The following CXXC1 variants were observed in gnomAD, a reference collection of about 807,000 sequenced individuals.
CXXC1 encodes CXXC-type zinc finger protein 1.
In CXXC1, 21 loss-of-function variants were observed where a neutral mutation model predicts 83.6. The ratio of observed to expected loss-of-function variants is 0.25; its 90% confidence interval spans 0.18 to 0.36. CXXC1 has a LOEUF of 0.36. Among genes scored for constraint, CXXC1 ranks in the 10% least tolerant of loss-of-function variants. The probability of loss-of-function intolerance (pLI) is 1.00; values close to 1 mark genes in which losing one functional copy is unlikely to be tolerated. For synonymous variants in CXXC1, 371 were observed against 337.5 expected, an observed-to-expected ratio of 1.10 and a Z score of -1.09; for missense variants, 688 against 919.5, an observed-to-expected ratio of 0.75 and a Z score of 3.26.
At chr18:50,284,952 T>G in intron 7 of CXXC1, 50 bp downstream of exon 7, 1 of 1,613,122 alleles carries the variant, frequency 6.2e-7, no homozygotes, top group East Asian at 2.2e-5. Flanking sequence ...GGATACTCTC[T>G]GCTTCTGTAA....
rs776381264 is a variant in CXXC1, at chr18:50,283,365, G to A, written c.1575-4C>T. 21 of 1,613,324 alleles carry A rather than the reference G, an allele frequency of 1.3e-5. No individual in the cohort carries two copies. Among genetic ancestry groups the A allele is most frequent in the Non-Finnish European group, 1.7e-5 (20 of 1,179,358 alleles). On this transcript the variant is annotated splice_region_variant and splice_polypyrimidine_tract_variant and intron_variant, in intron 12 of 14. Coordinates refer to ENST00000285106, the MANE Select transcript of CXXC1 (RefSeq NM_014593.4). ...ATCACAGAAGAGTCGTGTGGCCCTG[G>A]GGATTTGGAGTAGAGAGGGCAGTAG... is the stretch of plus-strand genomic sequence containing the variant.
rs1320831401 is a variant in CXXC1, at chr18:50,282,951, G to A, written c.1727C>T (p.Thr576Met). The A allele has an allele frequency of 1.9e-6, 3 of 1,614,056 alleles. No homozygotes were observed. Among genetic ancestry groups the A allele is most frequent in the East Asian group, 2.2e-5 (1 of 44,886 alleles). ...CPLVRDVFELTGDFCRLPKRQ... is the reference protein window; with the variant it reads ...CPLVRDVFELMGDFCRLPKRQ... ...CTTGGGCAGGCGGCAGAAGTCACCC[G>A]TGAGCTCAAAGACATCACGTACAAG... Residue 576 changes from threonine to methionine, a missense_variant, in exon 14 of 15, where the codon ACG becomes ATG. Physicochemically the swap from Thr to Met is moderately conservative, Grantham distance 81 (BLOSUM62 -1). This residue lies in a region of CXXC1 where 114 missense variants were observed against 173.3 expected (regional missense o/e 0.66). Transcript: ENST00000285106. The surrounding 1 kb of genome is among the most constrained non-coding windows in gnomAD (Gnocchi z 5.8).
intron 12 of CXXC1, 29 bp downstream of exon 12, chr18:50,283,486 A>G (rs188828067): frequency 6.3e-7 from 1 of 1,599,396 alleles, no homozygotes; most frequent in Non-Finnish European, 8.5e-7. Context: ...TTAACCCCCC[A>G]CCTCTCACTG....
chr18:50,286,912 TC>T, intron 1 of CXXC1, 54 bp from the exon 2 acceptor site: 9 of 1,240,222 alleles, frequency 7.3e-6, no homozygotes, highest in Non-Finnish European at 7.1e-6. Flanking sequence ...TGGCGGCTCA[TC>T]CCCCCATTAC....
At chr18:50,287,286 A>G in intron 1 of CXXC1, 1 of 517,990 alleles carries the variant, frequency 1.9e-6, no homozygotes, top group Non-Finnish European at 3.5e-6. Context: ...GTCACGGCTC[A>G]CTACAGACCA....
At position 50,285,209 on chromosome 18, in the gene CXXC1, G is replaced by A. The variant is rs758600661; in HGVS notation, c.705C>T (p.Pro235=). The change falls in exon 7 of 15, where the codon CCC becomes CCT. Residue 235 remains proline, a synonymous_variant. Coordinates refer to ENST00000285106, the MANE Select transcript of CXXC1 (RefSeq NM_014593.4). This position sits in a 1 kb window ranked among gnomAD's most constrained non-coding sequence, Gnocchi z 4.4. ...GCTGTTGGGTGGGCAGTGGCCGGCG[G>A]GGCCTTGGCAGGGACTCTGAGGGCG... ...PVTPSESLPR[P]RRPLPTQQQP... 1.9e-6 allele frequency: 3 copies of A among 1,614,196 alleles called. No homozygotes were observed. The highest frequency in any genetic ancestry group is 2.5e-6 in the Non-Finnish European group (3 of 1,180,030).
intron 11 of CXXC1, 50 bp from the exon 12 acceptor site, chr18:50,283,614 C>T: frequency 1.2e-6 from 2 of 1,610,446 alleles, no homozygotes; most frequent in Non-Finnish European, 1.7e-6. Flanking sequence ...CGCTGCATGC[C>T]CTCCCAAGAC....
At position 50,285,550 on chromosome 18, in the gene CXXC1, C is replaced by T; in HGVS notation, c.639+199G>A. 1 of 958,396 alleles carries T rather than the reference C, an allele frequency of 1.0e-6. No individual in the cohort carries two copies. The allele number at this position is 958,396 out of a possible 1,614,324, so 59.4% of individuals were successfully genotyped here. On this transcript the variant is annotated intron_variant, in intron 5 of 14. Coordinates refer to ENST00000285106, the MANE Select transcript of CXXC1 (RefSeq NM_014593.4). This position sits in a 1 kb window ranked among gnomAD's most constrained non-coding sequence, Gnocchi z 4.4. ...AACACCTGGCCCCACTCTGTCTACC[C>T]AGGGTTGGTGGGGGTGTTCTGCCAG...
In CXXC1 at chr18:50,282,598, G is replaced by T; in HGVS notation, c.1966C>A (p.Arg656Ser). 6.2e-7 allele frequency: 1 copy of T among 1,608,798 alleles called. No homozygotes were observed. The change falls in exon 15 of 15, where the codon CGC (arginine) becomes AGC (serine). Residue 656 changes from arginine to serine, a missense_variant. Transcript: ENST00000285106. The surrounding 1 kb of genome is among the most constrained non-coding windows in gnomAD (Gnocchi z 5.8). ...AGGGGTCCGGGCCAGGAGGCTCAGC[G>T]GTCGGCACTGGAGCGCAGGTCGGTA... ...LTTDLRSSADR is the reference protein window; with the variant it reads ...LTTDLRSSADS
chr18:50,286,636 C>G lies in CXXC1; in HGVS notation c.126G>C (p.Gly42=), dbSNP rs1035894055. 2 of 1,613,894 alleles carry G rather than the reference C, an allele frequency of 1.2e-6. No individual in the cohort carries two copies. Among genetic ancestry groups the G allele is most frequent in the African/African-American group, 1.3e-5 (1 of 74,954 alleles). The change falls in exon 3 of 15, where the codon GGG becomes GGC. Residue 42 remains glycine (G), a synonymous_variant. Transcript: ENST00000285106. ...RKPDINCFMI[G]CDNCNEWFHG... is the part of the protein sequence containing the mutation. ...GGAACCACTCATTGCAGTTGTCACA[C>G]CCGCTGCAGAGGATGGGGCAGGCGA...
In CXXC1 at chr18:50,286,203, T is replaced by A. The variant is rs754533658; in HGVS notation, c.278A>T (p.Asp93Val). 6.2e-7 allele frequency: 1 copy of A among 1,613,400 alleles called. No homozygotes were observed. The highest frequency in any genetic ancestry group is 1.7e-5 in the Admixed American group (1 of 59,994). Residue 93 changes from aspartate to valine, a missense_variant, in exon 4 of 15, where the codon GAT becomes GTT. Transcript: ENST00000285106. The stretch of plus-strand genomic sequence containing the variant: ...CTCACTGCTGTCCCGCTCATTGCCA[T>A]CCCGCTCCCGTGACTTCTTGTGCCG... Reference protein sequence around the residue: ...RYRHKKSRERDGNERDSSEPR... With the variant: ...RYRHKKSRERVGNERDSSEPR...
chr18:50,286,566 G>A lies in CXXC1; in HGVS notation c.196C>T (p.Arg66Trp), dbSNP rs757330676. The change falls in exon 3 of 15, where the codon CGG (arginine) becomes TGG (tryptophan). Residue 66 changes from arginine to tryptophan, a missense_variant. Physicochemically the swap from Arg to Trp is moderately radical, Grantham distance 101. Around this residue, in one of 9 missense-constraint regions of CXXC1, gnomAD observed 142 missense variants for 150.7 expected, o/e 0.94. Transcript: ENST00000285106. ...RITEKMAKAI[R>W]EWYCRECREK... The stretch of plus-strand genomic sequence containing the variant: ...CTGCACTCCCGACAGTACCACTCCC[G>A]GATGGCCTTGGCCATCTTCTCAGTG... 1 of 1,613,854 alleles carries A rather than the reference G, an allele frequency of 6.2e-7. No homozygotes were observed. Among genetic ancestry groups the A allele is most frequent in the African/African-American group, 1.3e-5 (1 of 74,880 alleles).
chr18:50,284,952 T>C, intron 7 of CXXC1, 50 bp downstream of exon 7: 1 of 1,613,122 alleles, frequency 6.2e-7, no homozygotes, highest in Non-Finnish European at 8.5e-7. Flanking sequence ...GGATACTCTC[T>C]GCTTCTGTAA....
At chr18:50,284,628 C>T in intron 8 of CXXC1, 66 bp from the exon 9 acceptor site, 2 of 1,599,162 alleles carry the variant, frequency 1.3e-6, no homozygotes, top group Admixed American at 1.7e-5. Context: ...GACCCTTGCT[C>T]CATTCTAGCC....
intron 8 of CXXC1, 30 bp downstream of exon 8, chr18:50,284,702 T>C (rs997311238): frequency 6.8e-6 from 11 of 1,610,742 alleles, no homozygotes; most frequent in Non-Finnish European, 9.3e-6. Context: ...ACCCTCTGCC[T>C]TTCCACATCC....
At chr18:50,286,879 G>A (rs779404595) in intron 1 of CXXC1, 21 bp from the exon 2 acceptor site, 8 of 1,544,854 alleles carry the variant, frequency 5.2e-6, no homozygotes, top group Non-Finnish European at 7.2e-6. Context: ...CCCCCATTAC[G>A]GATCCTTAAG....
chr18:50,286,469 AC>A (rs1307620310), intron 3 of CXXC1, 69 bp downstream of exon 3: 22 of 1,308,116 alleles, frequency 1.7e-5, no homozygotes, highest in Non-Finnish European at 1.8e-5. Flanking sequence ...AATCCCCATA[AC>A]CCCCCCTTGT....
Position 50,282,469 on chromosome 18 carries a change from G to T in CXXC1, c.*124C>A. 8.0e-7 allele frequency: 1 copy of T among 1,251,264 alleles called. No homozygotes were observed. Among genetic ancestry groups the T allele is most frequent in the Non-Finnish European group, 1.1e-6 (1 of 883,292 alleles). 77.5% of individuals were successfully genotyped at this position (1,251,264 alleles called of 1,614,324 possible). ...CAGTCCCTCTGATAAAGGCAGATGG[G>T]CGGTCAACCGGTGGATGGGCACAGG... On this transcript the variant is annotated 3_prime_UTR_variant, in exon 15 of 15. Transcript: ENST00000285106. The surrounding 1 kb of genome is among the most constrained non-coding windows in gnomAD (Gnocchi z 5.8).
chr18:50,285,100 C>T lies in CXXC1; in HGVS notation c.814G>A (p.Ala272Thr). The T allele has an allele frequency of 6.2e-7, 1 of 1,614,210 alleles. No individual in the cohort carries two copies. The highest frequency in any genetic ancestry group is 8.5e-7 in the Non-Finnish European group (1 of 1,180,038). The stretch of plus-strand genomic sequence containing the variant: ...GAGAGTGGCTCAGGTGTGGCTGTAG[C>T]CTCAGGAGGCTCCTTGACTGTTGAT... ...ASSTVKEPPE[A>T]TATPEPLSDE... The change falls in exon 7 of 15, where the codon GCT (alanine) becomes ACT (threonine). Residue 272 changes from alanine to threonine, a missense_variant. Physicochemically the swap from Ala to Thr is moderately conservative, Grantham distance 58. This residue lies in a region of CXXC1 where 190 missense variants were observed against 199.7 expected (regional missense o/e 0.95). Coordinates refer to ENST00000285106, the MANE Select transcript of CXXC1 (RefSeq NM_014593.4). The surrounding 1 kb of genome is among the most constrained non-coding windows in gnomAD (Gnocchi z 4.4).
Sources: allele counts gnomAD v4.1 joint callset, GRCh38; gene constraint gnomAD v4.1.1; regional missense constraint gnomAD v4.1.1; non-coding constraint Gnocchi (gnomAD v3.1); transcripts MANE v1.5; gene names NCBI Gene and HGNC (gene_info 2026-07-23, HGNC 2026-07-21).